The following GRM8 variants were observed in gnomAD, a reference collection of about 807,000 sequenced individuals.
GRM8 encodes the protein metabotropic glutamate receptor 8.
A neutral mutation model predicts 87.2 loss-of-function variants in GRM8; 47 were observed. The observed-to-expected ratio is 0.54, with a 90% confidence interval of 0.43 to 0.69. The LOEUF is 0.69. GRM8 is among the 30% of genes least tolerant of loss of function. The probability of loss-of-function intolerance (pLI) is 0.00; values close to 1 mark genes in which losing one functional copy is unlikely to be tolerated. For synonymous variants in GRM8, 396 were observed against 404.5 expected (o/e 0.98, Z 0.25); for missense variants, 1,019 against 1,139.2 (o/e 0.89, Z 1.52).
intron 7 of GRM8, among the ~76,000 whole-genome samples, chr7:126,641,313 T>C (rs1474393407): frequency 6.6e-6 from 1 of 152,216 alleles, no homozygotes; most frequent in Non-Finnish European, 1.5e-5. Flanking sequence ...ATCTGTGGGA[T>C]AAATTTAGGT....
chr7:127,013,340 A>AGGTTGACTGCT (rs1815081021), intron 3 of GRM8, among the ~76,000 whole-genome samples: 1 of 152,154 alleles, frequency 6.6e-6, no homozygotes, highest in African/African-American at 2.4e-5. Flanking sequence ...GAGAGTCATG[A>AGGTTGACTGCT]CAGCAGAGGC....
At chr7:127,190,269 C>T (rs538361219) in intron 2 of GRM8, among the ~76,000 whole-genome samples, 98 of 152,190 alleles carry the variant, frequency 6.4e-4, no homozygotes, top group Non-Finnish European at 6.5e-4. Flanking sequence ...CTACCTCATT[C>T]TAGTAGCCAA....
At chr7:126,892,360 C>T (rs1045011417) in intron 6 of GRM8, among the ~76,000 whole-genome samples, 11 of 152,168 alleles carry the variant, frequency 7.2e-5, no homozygotes, top group African/African-American at 2.6e-4. Flanking sequence ...TTGTTCAATT[C>T]CCACCTATGA....
At chr7:126,555,676 C>G (rs1001333860) in intron 8 of GRM8, among the ~76,000 whole-genome samples, 2 of 152,188 alleles carry the variant, frequency 1.3e-5, no homozygotes, top group African/African-American at 2.4e-5. Context: ...AAATGAAGCA[C>G]CTACTAGCAG....
intron 9 of GRM8, among the ~76,000 whole-genome samples, chr7:126,502,480 A>T (rs1183847220): frequency 6.6e-6 from 1 of 152,120 alleles, no homozygotes; most frequent in Non-Finnish European, 1.5e-5. Context: ...ATACAAAAAT[A>T]TACTAATTTT....
intron 2 of GRM8, among the ~76,000 whole-genome samples, chr7:127,237,907 T>G (rs543628783): frequency 1.5e-4 from 23 of 152,334 alleles, no homozygotes; most frequent in African/African-American, 5.5e-4. Context: ...AGACATATGA[T>G]TAGTGTTTGG....
At chr7:127,052,480 T>C (rs1018343290) in intron 3 of GRM8, among the ~76,000 whole-genome samples, 2 of 152,218 alleles carry the variant, frequency 1.3e-5, no homozygotes, top group Non-Finnish European at 2.9e-5. Flanking sequence ...TGTTTGAAGA[T>C]ATATTTTAAG....
At chr7:126,797,675 G>T (rs1181083101) in intron 6 of GRM8, among the ~76,000 whole-genome samples, 1 of 151,966 alleles carries the variant, frequency 6.6e-6, no homozygotes, top group African/African-American at 2.4e-5. Context: ...CATGATTTTT[G>T]ACCTTAAAAA....
chr7:127,192,780 G>A lies in GRM8; in HGVS notation c.510+49915C>T, dbSNP rs187269285. Among the ~76,000 whole-genome samples the A allele has an allele frequency of 9.5e-4, 144 of 152,248 alleles. 1 individual carries two copies. The highest frequency in any genetic ancestry group is 3.4e-3 in the Middle Eastern group (1 of 294). On this transcript the variant is annotated intron_variant, in intron 2 of 10. Coordinates refer to ENST00000339582, the MANE Select transcript of GRM8 (RefSeq NM_000845.3). ...TGAAGCTGCCCAAAGCCTTGTTGGC[G>A]AAGAGATATCAAGCTGGAACACAGC... is the stretch of plus-strand genomic sequence containing the variant.
chr7:126,543,389 A>G (rs1200408586), intron 8 of GRM8, among the ~76,000 whole-genome samples: 1 of 152,208 alleles, frequency 6.6e-6, no homozygotes, highest in Non-Finnish European at 1.5e-5. Context: ...ACATGCAAGT[A>G]ATGAACTGTA....
intron 6 of GRM8, among the ~76,000 whole-genome samples, chr7:126,844,504 T>C (rs149568587): frequency 1.9e-4 from 29 of 152,330 alleles, no homozygotes; most frequent in African/African-American, 6.5e-4. Flanking sequence ...CTCACAATGA[T>C]CTTGTGAAGT....
intron 3 of GRM8, among the ~76,000 whole-genome samples, chr7:127,064,180 T>C (rs1361121369): frequency 1.3e-5 from 2 of 152,220 alleles, no homozygotes; most frequent in African/African-American, 4.8e-5. Context: ...AATATCTTTG[T>C]TAATTTTCTG....
chr7:126,709,439 G>A (rs1342095045), intron 7 of GRM8, among the ~76,000 whole-genome samples: 1 of 150,792 alleles, frequency 6.6e-6, no homozygotes, highest in East Asian at 1.9e-4. Context: ...GGAGGAGGAG[G>A]AGGAAGAAGA....
In GRM8 at chr7:126,630,236, T is replaced by C. The variant is rs537513668; in HGVS notation, c.1358-20738A>G. On this transcript the variant is annotated intron_variant, in intron 7 of 10. Transcript: ENST00000339582. ...TTAAAATTAAAATCATAGAGTGCTA[T>C]TTAACAGATAACAATATATCAAAAT... Among the ~76,000 whole-genome samples the C allele has an allele frequency of 2.6e-5, 4 of 152,204 alleles. No homozygotes were observed. The East Asian group carries it at 7.7e-4, about 29-fold the overall frequency.
chr7:126,773,336 C>T (rs1303188211), intron 6 of GRM8, among the ~76,000 whole-genome samples: 2 of 151,966 alleles, frequency 1.3e-5, no homozygotes, highest in Non-Finnish European at 2.9e-5. Context: ...AGAGTGGACA[C>T]AGAACTGGCA....
rs548779443 is a variant in GRM8 at position 127,243,196 on chromosome 7, G to A, written c.9C>T (p.Cys3=). The change falls in exon 2 of 11, where the codon TGC becomes TGT. Residue 3 remains cysteine, a synonymous_variant. Transcript: ENST00000339582. MV[C]EGKRSASCPC... is the part of the protein sequence containing the mutation. Reference sequence around the variant, plus strand: ...GGCAAGAGGCTGATCGCTTTCCCTCGCATACCATTTTCTCCACAGGTGGTA... The same window carrying A: ...GGCAAGAGGCTGATCGCTTTCCCTCACATACCATTTTCTCCACAGGTGGTA... The A allele has an allele frequency of 5.6e-6, 9 of 1,604,750 alleles. No homozygotes were observed. The African/African-American group carries it at 6.7e-5, about 12-fold the overall frequency.
At chr7:126,846,655 C>T (rs1051760073) in intron 6 of GRM8, among the ~76,000 whole-genome samples, 2 of 152,058 alleles carry the variant, frequency 1.3e-5, no homozygotes, top group East Asian at 1.9e-4. Flanking sequence ...AATACCATGA[C>T]ATTTGACTTC....
intron 3 of GRM8, among the ~76,000 whole-genome samples, chr7:126,998,209 A>C (rs1813367181): frequency 6.6e-6 from 1 of 151,980 alleles, no homozygotes; most frequent in African/African-American, 2.4e-5. Context: ...GCTAAAATTC[A>C]ACATCTTCTT....
chr7:126,452,725 C>G (rs1283840621), intron 9 of GRM8, among the ~76,000 whole-genome samples: 4 of 151,686 alleles, frequency 2.6e-5, no homozygotes, highest in African/African-American at 4.8e-5. Context: ...CCATTTTGCT[C>G]TCCATCAGCA....
Sources: allele counts gnomAD v4.1 joint callset (sites outside exome capture counted in the v4.1 genomes callset), GRCh38; gene constraint gnomAD v4.1.1; transcripts MANE v1.5; gene names NCBI Gene and HGNC (gene_info 2026-07-23, HGNC 2026-07-21).